Variants in SLC22A25 observed in about 807,000 individuals in gnomAD.
SLC22A25 encodes MGI:2442751, MGI:2385316, MGI:3042283, MGI:3645714, MGI:3605624, MGI:2442750.
Under a neutral mutation model 45.9 loss-of-function variants are expected in SLC22A25, and 44 were observed. That is an observed-to-expected ratio of 0.96 (90% CI 0.75 to 1.23). The LOEUF (loss-of-function observed/expected upper bound fraction) is 1.23. SLC22A25 is among the 50% of genes most tolerant of loss of function. SLC22A25 has a pLI of 0.00. For missense variants in SLC22A25, 800 were observed against 666.4 expected (o/e 1.20, Z -2.21); for synonymous variants, 283 against 238.6 (o/e 1.19, Z -1.72).
At chr11:63,199,544 C>A (rs2089171851) in intron 7 of SLC22A25, among the ~76,000 whole-genome samples, 1 of 152,072 alleles carries the variant, frequency 6.6e-6, no homozygotes, top group South Asian at 2.1e-4. Context: ...TTCTCAGCCT[C>A]CCCCTCCCGC....
At position 63,229,347 on chromosome 11, in the gene SLC22A25, A is replaced by C; in HGVS notation, c.306T>G (p.Asn102Lys). ...VHPQWKLIHL[N>K]GTFPNTSEPD... is the part of the protein sequence containing the mutation. ...GCTCACTCGTGTTGGGGAAGGTCCC[A>C]TTCAGATGAATGAGCTTCCACTGGG... Residue 102 changes from asparagine (N) to lysine (K), a missense_variant, in exon 4 of 12, where the codon AAT becomes AAG. By Grantham distance (94) the Asn-to-Lys change is moderately conservative (BLOSUM62 0). Transcript: ENST00000306494. 1 of 1,613,906 alleles carries C rather than the reference A, an allele frequency of 6.2e-7. No homozygotes were observed. Among genetic ancestry groups the C allele is most frequent in the Non-Finnish European group, 8.5e-7 (1 of 1,179,866 alleles).
chr11:63,195,147 T>C (rs1048355732), intron 7 of SLC22A25, among the ~76,000 whole-genome samples: 1 of 151,894 alleles, frequency 6.6e-6, no homozygotes, highest in Non-Finnish European at 1.5e-5. Context: ...TCCCACACAA[T>C]AATAATGGGA....
intron 7 of SLC22A25, among the ~76,000 whole-genome samples, chr11:63,207,470 T>C (rs1041019495): frequency 1.3e-5 from 2 of 152,154 alleles, no homozygotes; most frequent in African/African-American, 4.8e-5. Context: ...GACCAGACAC[T>C]TCTCAAAATA....
chr11:63,197,792 A>G (rs902288918), intron 7 of SLC22A25, among the ~76,000 whole-genome samples: 2 of 152,204 alleles, frequency 1.3e-5, no homozygotes, highest in Non-Finnish European at 2.9e-5. Context: ...CAGGCAACCT[A>G]CAGAATGGGA....
chr11:63,227,351 T>A (rs1488350297), intron 5 of SLC22A25, among the ~76,000 whole-genome samples: 1 of 152,150 alleles, frequency 6.6e-6, no homozygotes, highest in Non-Finnish European at 1.5e-5. Context: ...GGATATTTAG[T>A]TAGCAGGTAC....
intron 7 of SLC22A25, among the ~76,000 whole-genome samples, chr11:63,214,967 C>T (rs760047353): frequency 6.6e-6 from 1 of 152,154 alleles, no homozygotes; most frequent in Non-Finnish European, 1.5e-5. Context: ...AATAGGAACA[C>T]TTTTACACTG....
chr11:63,238,054 C>T (rs1454387399), intron 2 of SLC22A25, 42 bp from the exon 3 acceptor site: 1 of 152,204 alleles, frequency 6.6e-6, no homozygotes, highest in Non-Finnish European at 1.5e-5. Flanking sequence ...TTTATAGCAA[C>T]TTAAAACGCC....
At position 63,162,773 on chromosome 11, in the gene SLC22A25, A is replaced by T. The variant is rs1337775830; in HGVS notation, c.*1051T>A. On this transcript the variant is annotated 3_prime_UTR_variant, in exon 12 of 12. Coordinates refer to ENST00000306494, the MANE Select transcript of SLC22A25 (RefSeq NM_199352.6). ...TTTATATTTAACCATTTAGAATCAC[A>T]GTTGTAAATGGAATGTATTTATCCA... 6.6e-6 allele frequency among the ~76,000 whole-genome samples: 1 copy of T among 152,170 alleles called. No homozygotes were observed. The highest frequency in any genetic ancestry group is 1.5e-5 in the Non-Finnish European group (1 of 68,026).
chr11:63,239,219 T>C (rs1276426179), intron 1 of SLC22A25, 84 bp from the exon 2 acceptor site: 1 of 152,252 alleles, frequency 6.6e-6, no homozygotes, highest in Non-Finnish European at 1.5e-5. Context: ...GAGTGTATGT[T>C]GATCCACTTT....
intron 1 of SLC22A25, 147 bp downstream of exon 1, chr11:63,243,272 ATGGTGGCCATTTGAT>A (rs2090281511): frequency 2.5e-6 from 1 of 401,382 alleles, no homozygotes; most frequent in African/African-American, 2.0e-5. Flanking sequence ...GCCACTTCTG[ATGGTGGCCATTTGAT>A]TGGTGGCCAC....
chr11:63,235,816 T>C (rs2090153216), intron 3 of SLC22A25, among the ~76,000 whole-genome samples: 1 of 152,110 alleles, frequency 6.6e-6, no homozygotes, highest in Admixed American at 6.5e-5. Context: ...TACAGATGGG[T>C]TTTTGGTGTG....
Position 63,228,564 on chromosome 11 carries a change from A to T in SLC22A25, c.403T>A (p.Trp135Arg). 1.2e-6 allele frequency: 2 copies of T among 1,611,260 alleles called. No homozygotes were observed. Among genetic ancestry groups the T allele is most frequent in the Non-Finnish European group, 1.7e-6 (2 of 1,178,006 alleles). The change falls in exon 5 of 12, where the codon TGG becomes AGG. Residue 135 changes from tryptophan to arginine, a missense_variant and splice_region_variant. Coordinates refer to ENST00000306494, the MANE Select transcript of SLC22A25 (RefSeq NM_199352.6). ...SSFPSTIVTK[W>R]DLVCESQPLN... ...GGTTGAGATTCGCATACCAGATCCC[A>T]CTGGAAGAAAAGGAAACCCTCATAT... is the stretch of plus-strand genomic sequence containing the variant.
intron 8 of SLC22A25, among the ~76,000 whole-genome samples, chr11:63,181,558 T>C (rs981504456): frequency 2.6e-5 from 4 of 151,966 alleles, no homozygotes; most frequent in African/African-American, 9.7e-5. Context: ...AACCCTTATG[T>C]TTCTGTGAAG....
chr11:63,242,355 G>C (rs542526610), intron 1 of SLC22A25, among the ~76,000 whole-genome samples: 5 of 152,322 alleles, frequency 3.3e-5, no homozygotes, highest in Non-Finnish European at 7.3e-5. Flanking sequence ...GAGTAGGATA[G>C]CGTCTTTATC....
intron 9 of SLC22A25, among the ~76,000 whole-genome samples, chr11:63,177,863 TA>T (rs1236213174): frequency 9.9e-4 from 2 of 2,024 alleles, no homozygotes; most frequent in African/African-American, 9.9e-4. Flanking sequence ...TGTATATATA[TA>T]ATATATATAA....
chr11:63,205,150 A>G (rs2089362388), intron 7 of SLC22A25, among the ~76,000 whole-genome samples: 1 of 152,218 alleles, frequency 6.6e-6, no homozygotes, highest in South Asian at 2.1e-4. Flanking sequence ...TCTCTGGGAC[A>G]CATTTAAAAC....
At chr11:63,231,274 A>G (rs1238717322) in intron 3 of SLC22A25, among the ~76,000 whole-genome samples, 1 of 152,216 alleles carries the variant, frequency 6.6e-6, no homozygotes, top group Non-Finnish European at 1.5e-5. Context: ...CCAACAGTGT[A>G]AAAGTGTTCC....
chr11:63,236,337 C>T (rs2090163171), intron 3 of SLC22A25, among the ~76,000 whole-genome samples: 1 of 152,190 alleles, frequency 6.6e-6, no homozygotes, highest in Non-Finnish European at 1.5e-5. Flanking sequence ...CAAGCCTGAG[C>T]AATGGCAGGC....
At chr11:63,166,313 C>A (rs962711333) in intron 9 of SLC22A25, 55 bp from the exon 10 acceptor site, 27 of 1,587,762 alleles carry the variant, frequency 1.7e-5, no homozygotes, top group Non-Finnish European at 2.2e-5. Flanking sequence ...CTAAATCCTA[C>A]AAATGAGAAT....
Sources: gnomAD v4.1 joint callset for allele counts (sites outside exome capture counted in the v4.1 genomes callset) on GRCh38, gnomAD v4.1.1 for gene constraint, MANE v1.5 for transcripts, NCBI Gene and HGNC (gene_info 2026-07-23, HGNC 2026-07-21) for gene names.